The following STAT4 variants were observed in gnomAD, a reference collection of about 807,000 sequenced individuals.
STAT4 encodes signal transducer and activator of transcription 4.
STAT4 carries 42 observed loss-of-function variants against 110.5 expected under a neutral mutation model. That is an observed-to-expected ratio of 0.38 (90% CI 0.30 to 0.49). STAT4 has a LOEUF of 0.49. Ranked by LOEUF, STAT4 falls within the 20% of genes least tolerant of loss-of-function variation. STAT4 has a pLI of 0.95. For synonymous variants in STAT4, 284 were observed against 302.2 expected (o/e 0.94, Z 0.63); for missense variants, 632 against 887.9 (o/e 0.71, Z 3.66).
intron 5 of STAT4, among the ~76,000 whole-genome samples, chr2:191,071,056 A>T (rs985229908): frequency 2.6e-5 from 4 of 152,242 alleles, no homozygotes; most frequent in African/African-American, 9.6e-5. Flanking sequence ...GAAACAAAGT[A>T]GTAGCTATTG....
chr2:191,113,608 T>C lies in STAT4; in HGVS notation c.273+33005A>G, dbSNP rs1039040618. ...GATGTAAGAAGGCAATTAGGTACCATTAGGGCCAAATTTGTCTTTTGTCAT... is the reference window on the plus strand; with the variant it reads ...GATGTAAGAAGGCAATTAGGTACCACTAGGGCCAAATTTGTCTTTTGTCAT... On this transcript the variant is annotated intron_variant, in intron 3 of 23. Coordinates refer to ENST00000392320, the MANE Select transcript of STAT4 (RefSeq NM_003151.4). The surrounding 1 kb of genome is among the most constrained non-coding windows in gnomAD (Gnocchi z 4.8). 6.6e-6 allele frequency among the ~76,000 whole-genome samples: 1 copy of C among 152,212 alleles called. No individual in the cohort carries two copies. The highest frequency in any genetic ancestry group is 1.5e-5 in the Non-Finnish European group (1 of 68,036).
chr2:191,097,065 G>T (rs1400927025), intron 3 of STAT4, among the ~76,000 whole-genome samples: 1 of 152,182 alleles, frequency 6.6e-6, no homozygotes, highest in Non-Finnish European at 1.5e-5. Context: ...ACTTACAAGG[G>T]ATGTGAAGGA....
chr2:191,076,687 C>T (rs1411965202), intron 3 of STAT4, among the ~76,000 whole-genome samples: 1 of 150,382 alleles, frequency 6.6e-6, no homozygotes, highest in Admixed American at 6.6e-5. Context: ...AGCCTGTTGC[C>T]CAGGCTGGAG....
In STAT4 at chr2:191,144,291, G is replaced by A. The variant is rs1574201587; in HGVS notation, c.273+2322C>T. The stretch of plus-strand genomic sequence containing the variant: ...CTGGAGGATGAGAACACAGACTAAA[G>A]CATGTGGTGAAGGTTTTCTTGTTGC... On this transcript the variant is annotated intron_variant, in intron 3 of 23. Transcript: ENST00000392320. This position sits in a 1 kb window ranked among gnomAD's most constrained non-coding sequence, Gnocchi z 4.7. 1.3e-5 allele frequency among the ~76,000 whole-genome samples: 2 copies of A among 152,232 alleles called. No homozygotes were observed. The highest frequency in any genetic ancestry group is 2.9e-5 in the Non-Finnish European group (2 of 68,010).
chr2:191,060,459 C>A lies in STAT4; in HGVS notation c.1034+1270G>T, dbSNP rs963476560. 2.6e-5 allele frequency among the ~76,000 whole-genome samples: 4 copies of A among 152,132 alleles called. No homozygotes were observed. The highest frequency in any genetic ancestry group is 5.9e-5 in the Non-Finnish European group (4 of 68,020). On this transcript the variant is annotated intron_variant, in intron 10 of 23. Coordinates refer to ENST00000392320, the MANE Select transcript of STAT4 (RefSeq NM_003151.4). This position sits in a 1 kb window ranked among gnomAD's most constrained non-coding sequence, Gnocchi z 4.5. ...TTGAGATGGAGTCTTGCTGTTGTTG[C>A]CCAGCCTGAAGTGCAGTGGCGTGAG...
intron 3 of STAT4, chr2:191,132,047 G>A: frequency 4.7e-6 from 5 of 1,061,778 alleles, no homozygotes; most frequent in Non-Finnish European, 6.1e-6. Flanking sequence ...GAAGAGAAAC[G>A]TTTCTTAAGA....
chr2:191,071,973 G>A (rs964803596), intron 5 of STAT4, among the ~76,000 whole-genome samples: 6 of 152,090 alleles, frequency 3.9e-5, no homozygotes, highest in Non-Finnish European at 1.5e-5. Flanking sequence ...GCAAGATGTC[G>A]GGCCTCTCTC....
rs1434114766 is a variant in STAT4, at chr2:191,104,096, C to T, written c.274-27771G>A. On this transcript the variant is annotated intron_variant, in intron 3 of 23. Transcript: ENST00000392320. The surrounding 1 kb of genome is among the most constrained non-coding windows in gnomAD (Gnocchi z 4.3). ...ACTGAAGAAATAACCATATAATCCC[C>T]GTTTTGTGAAAAAATATATCTATTC... Among the ~76,000 whole-genome samples, 2 of 151,926 alleles carry T rather than the reference C, an allele frequency of 1.3e-5. No individual in the cohort carries two copies. Among genetic ancestry groups the T allele is most frequent in the African/African-American group, 2.4e-5 (1 of 41,384 alleles).
At chr2:191,148,599 C>T (rs1036499806) in intron 1 of STAT4, among the ~76,000 whole-genome samples, 1 of 152,172 alleles carries the variant, frequency 6.6e-6, no homozygotes, top group East Asian at 1.9e-4. Context: ...ATTTACTATA[C>T]CTCCTAAAAC....
At chr2:191,123,350 A>G (rs1302454375) in intron 3 of STAT4, among the ~76,000 whole-genome samples, 1 of 151,882 alleles carries the variant, frequency 6.6e-6, no homozygotes, top group African/African-American at 2.4e-5. Flanking sequence ...ACTCCCTTTC[A>G]CTTTAGTCCT....
intron 5 of STAT4, among the ~76,000 whole-genome samples, chr2:191,071,001 C>T (rs549064943): frequency 6.6e-5 from 10 of 152,122 alleles, no homozygotes; most frequent in Admixed American, 1.3e-4. Flanking sequence ...TCCCTGTTAT[C>T]TCATTCTCTT....
chr2:191,034,883 G>C (rs1178944557), intron 17 of STAT4, among the ~76,000 whole-genome samples: 1 of 152,204 alleles, frequency 6.6e-6, no homozygotes, highest in African/African-American at 2.4e-5. Context: ...TGTCAGAGGA[G>C]ATGAAGGAGG....
chr2:191,070,439 A>G (rs1160158629), intron 5 of STAT4, among the ~76,000 whole-genome samples: 1 of 152,188 alleles, frequency 6.6e-6, no homozygotes, highest in African/African-American at 2.4e-5. Context: ...AGCAGAGGCC[A>G]CGAGATGTGA....
At chr2:191,034,631 G>T in intron 17 of STAT4, 34 bp from the exon 18 acceptor site, 1 of 1,510,816 alleles carries the variant, frequency 6.6e-7, no homozygotes, top group Non-Finnish European at 9.2e-7. Context: ...ATTTTTCACT[G>T]GACAATGAGA....
intron 3 of STAT4, among the ~76,000 whole-genome samples, chr2:191,114,160 C>T (rs1698502458): frequency 6.6e-6 from 1 of 152,156 alleles, no homozygotes; most frequent in Non-Finnish European, 1.5e-5. Context: ...ATGAAAAGCT[C>T]AATCCTTAAG....
intron 3 of STAT4, among the ~76,000 whole-genome samples, chr2:191,134,517 A>G (rs1487747126): frequency 1.3e-5 from 2 of 152,194 alleles, no homozygotes; most frequent in Non-Finnish European, 2.9e-5. Context: ...AGTCCCCAGA[A>G]AAACTTCAAC....
At chr2:191,072,650 C>T (rs150172959) in intron 5 of STAT4, among the ~76,000 whole-genome samples, 8 of 152,036 alleles carry the variant, frequency 5.3e-5, no homozygotes, top group African/African-American at 1.9e-4. Context: ...TTTAAGACAT[C>T]TTCACTAGAT....
intron 3 of STAT4, among the ~76,000 whole-genome samples, chr2:191,105,125 A>C (rs1006300292): frequency 6.6e-6 from 1 of 152,258 alleles, no homozygotes; most frequent in African/African-American, 2.4e-5. Flanking sequence ...ACTGTGATAG[A>C]TAACTAGCTG....
chr2:191,092,673 G>A (rs555670866), intron 3 of STAT4, among the ~76,000 whole-genome samples: 1 of 152,286 alleles, frequency 6.6e-6, no homozygotes, highest in East Asian at 1.9e-4. Context: ...GGAGGTACCT[G>A]GTTCATCTCA....
Sources: gnomAD v4.1 joint callset for allele counts (sites outside exome capture counted in the v4.1 genomes callset) on GRCh38, gnomAD v4.1.1 for gene constraint, Gnocchi (gnomAD v3.1) non-coding constraint, MANE v1.5 for transcripts, NCBI Gene and HGNC (gene_info 2026-07-23, HGNC 2026-07-21) for gene names.